ANO4: variants seen among roughly 807,000 people sequenced by gnomAD.
The protein encoded by ANO4 is anoctamin 4, also known as anoctamin-4.
A neutral mutation model predicts 141.9 loss-of-function variants in ANO4; 69 were observed. The observed-to-expected ratio is 0.49, with a 90% CI of 0.40 to 0.59. The LOEUF (loss-of-function observed/expected upper bound fraction) is 0.59. ANO4 is among the 20% of genes least tolerant of loss of function. The pLI, the probability that ANO4 is intolerant of heterozygous loss-of-function variation, is 0.00. For synonymous variants in ANO4, 350 were observed against 394.3 expected (o/e 0.89, Z 1.33); for missense variants, 894 against 1,162.2 (o/e 0.77, Z 3.36).
intron 2 of ANO4, among the ~76,000 whole-genome samples, chr12:100,738,715 C>T (rs145072951): frequency 6.6e-6 from 1 of 151,888 alleles, no homozygotes; most frequent in East Asian, 1.9e-4. Context: ...AGGTGCACAA[C>T]ATAATGTCTT....
intron 3 of ANO4, among the ~76,000 whole-genome samples, chr12:100,757,681 A>C (rs1320036621): frequency 6.6e-6 from 1 of 152,242 alleles, no homozygotes; most frequent in Non-Finnish European, 1.5e-5. Flanking sequence ...GTGGATGTCC[A>C]GTCTCTGAAC....
In ANO4 at chr12:100,939,257, A is replaced by G. The variant is rs912348786; in HGVS notation, c.161-58A>G. The G allele has an allele frequency of 1.6e-5, 24 of 1,536,260 alleles. No individual in the cohort carries two copies. In the African/African-American group the frequency reaches 2.9e-4, roughly 18 times the overall value. ...AAAGGGAGATGTTTTCTCTTTTAGC[A>G]TTGCTTTCAAGATCCCAGATTTTTA... is the stretch of plus-strand genomic sequence containing the variant. On this transcript the variant is annotated intron_variant, in intron 3 of 27. Coordinates refer to ENST00000392977, the MANE Select transcript of ANO4 (RefSeq NM_001286615.2).
rs548149609 is a variant in ANO4, at chr12:101,109,981, TG to T, written c.2150-421del. Among the ~76,000 whole-genome samples the T allele has an allele frequency of 2.3e-4, 35 of 152,308 alleles. 1 individual carries two copies. The highest frequency in any genetic ancestry group is 8.2e-4 in the African/African-American group (34 of 41,562). On this transcript the variant is annotated intron_variant, in intron 22 of 27. Coordinates refer to ENST00000392977, the MANE Select transcript of ANO4 (RefSeq NM_001286615.2). ...TCTTTCATACAAATTGTTCCAGATTTGGCCGTTAGGGGTGCCTTCAAGTTTG... is the reference window on the plus strand; with the variant it reads ...TCTTTCATACAAATTGTTCCAGATTTGCCGTTAGGGGTGCCTTCAAGTTTG...
At chr12:101,093,597 CTA>C (rs2089375899) in intron 17 of ANO4, among the ~76,000 whole-genome samples, 1 of 152,092 alleles carries the variant, frequency 6.6e-6, no homozygotes, top group African/African-American at 2.4e-5. Context: ...TGGATTTACC[CTA>C]GACTATACTC....
chr12:100,772,327 T>C (rs2033333573), intron 3 of ANO4, among the ~76,000 whole-genome samples: 2 of 152,190 alleles, frequency 1.3e-5, no homozygotes, highest in South Asian at 4.1e-4. Context: ...TTAGTGTGGA[T>C]TCAAATTATA....
chr12:100,956,448 C>T (rs57675127), intron 5 of ANO4, among the ~76,000 whole-genome samples: 3,349 of 152,272 alleles, frequency 0.022, 107 homozygotes, highest in African/African-American at 0.074. Flanking sequence ...TTTCCTTGAC[C>T]TTAGCAGTCC....
At chr12:101,015,951 C>A (rs1417576322) in intron 8 of ANO4, among the ~76,000 whole-genome samples, 3 of 152,160 alleles carry the variant, frequency 2.0e-5, no homozygotes, top group Non-Finnish European at 2.9e-5. Flanking sequence ...ACTGTTCCTT[C>A]TCATAATCCT....
At chr12:100,761,518 G>A (rs2032856899) in intron 3 of ANO4, among the ~76,000 whole-genome samples, 1 of 152,204 alleles carries the variant, frequency 6.6e-6, no homozygotes, top group Admixed American at 6.5e-5. Flanking sequence ...AATTCCTTCA[G>A]CATGAATTGT....
intron 1 of ANO4, among the ~76,000 whole-genome samples, chr12:100,856,973 T>G (rs1303220108): frequency 6.6e-6 from 1 of 152,116 alleles, no homozygotes; most frequent in Non-Finnish European, 1.5e-5. Flanking sequence ...CAAAATATGA[T>G]TCTCTGGTAG....
At chr12:100,908,774 C>A (rs2040962317) in intron 2 of ANO4, among the ~76,000 whole-genome samples, 1 of 152,142 alleles carries the variant, frequency 6.6e-6, no homozygotes, top group Non-Finnish European at 1.5e-5. Context: ...AGTTAATAAT[C>A]CCTGTTCCCG....
intron 14 of ANO4, among the ~76,000 whole-genome samples, chr12:101,053,111 A>T (rs2136682180): frequency 6.6e-6 from 1 of 152,370 alleles, no homozygotes; most frequent in East Asian, 1.9e-4. Flanking sequence ...ATATTAAAGA[A>T]GCGTTGATAA....
At chr12:100,936,904 A>C (rs17405474) in intron 3 of ANO4, among the ~76,000 whole-genome samples, 6,791 of 152,288 alleles carry the variant, frequency 0.045, 232 homozygotes, top group Admixed American at 0.1. Flanking sequence ...ACAGAAGCAC[A>C]TATTTACACA....
At chr12:100,907,384 A>G (rs1351894639) in intron 2 of ANO4, among the ~76,000 whole-genome samples, 1 of 152,140 alleles carries the variant, frequency 6.6e-6, no homozygotes, top group Non-Finnish European at 1.5e-5. Context: ...ATGTAACTCA[A>G]ATTCCGCTTC....
At chr12:100,801,007 T>C (rs2034648454) in intron 1 of ANO4, among the ~76,000 whole-genome samples, 1 of 152,230 alleles carries the variant, frequency 6.6e-6, no homozygotes, top group South Asian at 2.1e-4. Context: ...GCCATCCTTA[T>C]TGACTTCTTT....
At chr12:100,958,968 G>A (rs772526748) in intron 5 of ANO4, among the ~76,000 whole-genome samples, 2 of 152,108 alleles carry the variant, frequency 1.3e-5, no homozygotes, top group Non-Finnish European at 2.9e-5. Context: ...TAGGGTGTTG[G>A]GTGGGGGCTC....
At chr12:100,779,808 T>C (rs12312556) in intron 3 of ANO4, among the ~76,000 whole-genome samples, 117 of 152,300 alleles carry the variant, frequency 7.7e-4, no homozygotes, top group African/African-American at 2.6e-3. Flanking sequence ...TGGTGGCACA[T>C]AGTAGGTGCT....
Position 100,919,736 on chromosome 12 carries a change from GTATCTATCTATC to G in ANO4, c.56-2455_56-2444del, listed in dbSNP as rs371838179. 8.6e-3 allele frequency among the ~76,000 whole-genome samples: 1,145 copies of G among 133,002 alleles called. 16 individuals carry two copies. The highest frequency in any genetic ancestry group is 0.028 in the African/African-American group (994 of 35,048). 87.3% of individuals were successfully genotyped at this position (133,002 alleles called of 152,430 possible). On this transcript the variant is annotated intron_variant, in intron 2 of 27. Transcript: ENST00000392977. ...TGTATGTATGTATGTGTGTATGTAT[GTATCTATCTATC>G]TATCTATCTATCTATCTATCTATCT...
At chr12:101,095,501 C>T (rs1180585174) in intron 18 of ANO4, among the ~76,000 whole-genome samples, 2 of 152,146 alleles carry the variant, frequency 1.3e-5, no homozygotes, top group Admixed American at 6.6e-5. Flanking sequence ...TAAGAAAACC[C>T]TTTAAGAATC....
At chr12:100,795,110 G>A (rs1356543246) in intron 1 of ANO4, 83 bp downstream of exon 1, 2 of 152,780 alleles carry the variant, frequency 1.3e-5, no homozygotes, top group Admixed American at 1.3e-4. Flanking sequence ...TAAGCTTAGT[G>A]ACCTTCCTTC....
Sources: allele counts gnomAD v4.1 joint callset (sites outside exome capture counted in the v4.1 genomes callset), GRCh38; gene constraint gnomAD v4.1.1; transcripts MANE v1.5; gene names NCBI Gene and HGNC (gene_info 2026-07-23, HGNC 2026-07-21).